The following GNG7 variants were observed in gnomAD, a reference collection of about 807,000 sequenced individuals.
GNG7 encodes the protein G protein subunit gamma 7.
In GNG7, 1 loss-of-function variant was observed where a neutral mutation model predicts 4.0. The ratio of observed to expected loss-of-function variants is 0.25; its 90% confidence interval spans 0.09 to 1.18. The LOEUF (loss-of-function observed/expected upper bound fraction) is 1.18, where lower values mean the gene tolerates loss of function less well. Among genes scored for constraint, GNG7 ranks in the 50% most tolerant of loss-of-function variants. The pLI is 0.50. For missense variants in GNG7, 86 were observed against 91.9 expected, an observed-to-expected ratio of 0.94 and a Z score of 0.26; for synonymous variants, 34 against 36.9, an observed-to-expected ratio of 0.92 and a Z score of 0.29.
At position 2,619,745 on chromosome 19, in the gene GNG7, G is replaced by A. The variant is rs144017367; in HGVS notation, c.-78+26479C>T. 2.8e-3 allele frequency among the ~76,000 whole-genome samples: 425 copies of A among 152,240 alleles called. 3 individuals are homozygous for A. Among genetic ancestry groups the A allele is most frequent in the African/African-American group, 9.3e-3 (385 of 41,550 alleles). ...ATCCATGGGGACAGGGAGGGGATGC[G>A]TGTGTGGCAGGGCTGCCGGGGGGAG... On this transcript the variant is annotated intron_variant, in intron 2 of 4. Transcript: ENST00000382159.
At chr19:2,596,665 T>TC (rs150945390) in intron 2 of GNG7, among the ~76,000 whole-genome samples, 72,980 of 143,464 alleles carry the variant, frequency 0.51, 18,525 homozygotes, top group Non-Finnish European at 0.57. Context: ...TGAGACCCTG[T>TC]CCCCCCCCCA....
intron 3 of GNG7, among the ~76,000 whole-genome samples, chr19:2,536,418 C>CA (rs112605115): frequency 0.058 from 7,597 of 131,808 alleles, 593 homozygotes; most frequent in African/African-American, 0.19. Flanking sequence ...AACTCCATCT[C>CA]AAAAAAAAAA....
chr19:2,552,994 T>C (rs1979382892), intron 3 of GNG7, among the ~76,000 whole-genome samples: 1 of 150,848 alleles, frequency 6.6e-6, no homozygotes, highest in Admixed American at 6.6e-5. Context: ...GGAAGGAAAT[T>C]GTAAAGATCA....
intron 2 of GNG7, among the ~76,000 whole-genome samples, chr19:2,563,477 A>G (rs1211072729): frequency 6.6e-6 from 1 of 151,680 alleles, no homozygotes; most frequent in African/African-American, 2.4e-5. Flanking sequence ...TTGAGGTCAC[A>G]CTTTTTTTTG....
At chr19:2,573,019 CTTTTTTT>C (rs1201908411) in intron 2 of GNG7, among the ~76,000 whole-genome samples, 2 of 132,838 alleles carry the variant, frequency 1.5e-5, no homozygotes, top group Non-Finnish European at 3.2e-5. Flanking sequence ...GAAATTTCTC[CTTTTTTT>C]TTTTTTTTTT....
intron 1 of GNG7, among the ~76,000 whole-genome samples, chr19:2,698,839 G>T (rs1250468604): frequency 6.6e-6 from 1 of 152,026 alleles, no homozygotes; most frequent in African/African-American, 2.4e-5. Context: ...TACACGTGAG[G>T]GTAATTTGTG....
intron 1 of GNG7, among the ~76,000 whole-genome samples, chr19:2,688,022 C>G (rs1983915220): frequency 6.6e-6 from 1 of 150,980 alleles, no homozygotes; most frequent in African/African-American, 2.4e-5. Context: ...GGAGGCCGAG[C>G]TGGGCAGATC....
chr19:2,532,901 C>T (rs572321903), intron 3 of GNG7, among the ~76,000 whole-genome samples: 1 of 152,254 alleles, frequency 6.6e-6, no homozygotes, highest in East Asian at 1.9e-4. Context: ...TCTTATAAGG[C>T]TGAACACATA....
rs1223176789 is a variant in GNG7, at chr19:2,633,777, G to A, written c.-78+12447C>T. Among the ~76,000 whole-genome samples the A allele has an allele frequency of 6.6e-6, 1 of 152,136 alleles. No individual in the cohort carries two copies. The highest frequency in any genetic ancestry group is 1.5e-5 in the Non-Finnish European group (1 of 68,012). ...AGAAGCCTGCTCTCAACTCACCCGG[G>A]AGGCAGGTTCTTCTGCACCGGGCCT... On this transcript the variant is annotated intron_variant, in intron 2 of 4. Coordinates refer to ENST00000382159, the MANE Select transcript of GNG7 (RefSeq NM_052847.3). The surrounding 1 kb of genome is among the most constrained non-coding windows in gnomAD (Gnocchi z 5.9).
chr19:2,636,210 A>C (rs906419831), intron 2 of GNG7, among the ~76,000 whole-genome samples: 2 of 152,012 alleles, frequency 1.3e-5, no homozygotes, highest in Admixed American at 6.5e-5. Flanking sequence ...TCTCCCTCCC[A>C]CTCAGGGGGT....
intron 3 of GNG7, among the ~76,000 whole-genome samples, chr19:2,536,651 C>T (rs1441649767): frequency 1.3e-5 from 2 of 152,180 alleles, no homozygotes; most frequent in African/African-American, 2.4e-5. Context: ...AGGCCTGCAG[C>T]GAGGTCCCGA....
In GNG7 at chr19:2,618,128, A is replaced by G. The variant is rs891974388; in HGVS notation, c.-78+28096T>C. Among the ~76,000 whole-genome samples, 3 of 152,108 alleles carry G rather than the reference A, an allele frequency of 2.0e-5. No homozygotes were observed. Among genetic ancestry groups the G allele is most frequent in the East Asian group, 1.9e-4 (1 of 5,200 alleles). On this transcript the variant is annotated intron_variant, in intron 2 of 4. Coordinates refer to ENST00000382159, the MANE Select transcript of GNG7 (RefSeq NM_052847.3). This position sits in a 1 kb window ranked among gnomAD's most constrained non-coding sequence, Gnocchi z 5.1. ...TCCACCTGTATCAGGCTGGGCCCCC[A>G]GCACCTAGGCTGTCCCTGGCACACA...
rs1400771113 is a variant in GNG7 at position 2,618,458 on chromosome 19, C to T, written c.-78+27766G>A. Reference sequence around the variant, plus strand: ...GCACCTCCCCTGTTCAAGCGATTCTCCTGCCTCAGCCTCCCAAGTAGCTGG... The same window carrying T: ...GCACCTCCCCTGTTCAAGCGATTCTTCTGCCTCAGCCTCCCAAGTAGCTGG... On this transcript the variant is annotated intron_variant, in intron 2 of 4. Coordinates refer to ENST00000382159, the MANE Select transcript of GNG7 (RefSeq NM_052847.3). This position sits in a 1 kb window ranked among gnomAD's most constrained non-coding sequence, Gnocchi z 5.1. Among the ~76,000 whole-genome samples the T allele has an allele frequency of 6.6e-6, 1 of 152,062 alleles. No homozygotes were observed. Among genetic ancestry groups the T allele is most frequent in the Middle Eastern group, 3.4e-3 (1 of 294 alleles).
chr19:2,542,604 G>A (rs558787079), intron 3 of GNG7, among the ~76,000 whole-genome samples: 45 of 152,302 alleles, frequency 3.0e-4, no homozygotes, highest in African/African-American at 1.0e-3. Context: ...GAGACCCTGG[G>A]CAGAGGACGT....
chr19:2,538,143 G>A (rs1320147923), intron 3 of GNG7: 6 of 456,504 alleles, frequency 1.3e-5, no homozygotes, highest in South Asian at 3.1e-5. Flanking sequence ...CAGTGGCTAC[G>A]GAGGCCCTGA....
intron 2 of GNG7, among the ~76,000 whole-genome samples, chr19:2,639,098 A>G (rs1982411818): frequency 6.6e-6 from 1 of 151,940 alleles, no homozygotes; most frequent in African/African-American, 2.4e-5. Context: ...TTAGCTGGGC[A>G]TGGTGGCGAA....
At chr19:2,689,271 T>G in intron 1 of GNG7, among the ~76,000 whole-genome samples, 1 of 151,654 alleles carries the variant, frequency 6.6e-6, no homozygotes, top group East Asian at 1.9e-4. Flanking sequence ...AAAATAATTA[T>G]ATAAAATTGT....
intron 3 of GNG7, among the ~76,000 whole-genome samples, chr19:2,536,098 C>T (rs764890883): frequency 5.3e-5 from 8 of 151,920 alleles, no homozygotes; most frequent in South Asian, 4.2e-4. Context: ...GTACTTCAGC[C>T]GGGCAACAGA....
rs1305574779 is a variant in GNG7, at chr19:2,520,511, G to A, written c.81+97C>T. On this transcript the variant is annotated intron_variant, in intron 4 of 4. Coordinates refer to ENST00000382159, the MANE Select transcript of GNG7 (RefSeq NM_052847.3). ...GTCACACAGCAAGAGACACAGTTGGGGTGCAAGCCTCTGCCCTCCTGCCGA... is the reference window on the plus strand; with the variant it reads ...GTCACACAGCAAGAGACACAGTTGGAGTGCAAGCCTCTGCCCTCCTGCCGA... 5 of 673,298 alleles carry A rather than the reference G, an allele frequency of 7.4e-6. No individual in the cohort carries two copies. The South Asian group carries it at 8.2e-5, about 11-fold the overall frequency. The allele number at this position is 673,298 out of a possible 1,614,324, so 41.7% of individuals were successfully genotyped here.
Sources: gnomAD v4.1 joint callset for allele counts (sites outside exome capture counted in the v4.1 genomes callset) on GRCh38, gnomAD v4.1.1 for gene constraint, Gnocchi (gnomAD v3.1) non-coding constraint, MANE v1.5 for transcripts, NCBI Gene and HGNC (gene_info 2026-07-23, HGNC 2026-07-21) for gene names.